Variants in ADARB2 observed in about 807,000 individuals in gnomAD.
The protein encoded by ADARB2 is inactive double-stranded RNA-specific editase B2.
In ADARB2, 25 loss-of-function variants were observed where a neutral mutation model predicts 62.2. The ratio of observed to expected loss-of-function variants is 0.40; its 90% CI spans 0.29 to 0.56. ADARB2 has a LOEUF of 0.56. Ranked by LOEUF, ADARB2 falls within the 20% of genes least tolerant of loss-of-function variation. ADARB2 has a pLI of 0.43. For synonymous variants in ADARB2, 572 were observed against 500.8 expected (o/e 1.14, Z -1.90); for missense variants, 1,071 against 1,077.4 (o/e 0.99, Z 0.08).
intron 3 of ADARB2, among the ~76,000 whole-genome samples, chr10:1,312,108 A>G (rs1831697577): frequency 2.0e-5 from 3 of 152,242 alleles, no homozygotes; most frequent in Non-Finnish European, 4.4e-5. Flanking sequence ...TGGAGGTGAA[A>G]TGGAACAGAA....
intron 1 of ADARB2, among the ~76,000 whole-genome samples, chr10:1,671,234 C>A (rs901303618): frequency 1.3e-5 from 2 of 152,176 alleles, no homozygotes; most frequent in African/African-American, 4.8e-5. Context: ...CGCCCCCACC[C>A]GCCTTGGGCC....
At chr10:1,452,260 C>T (rs997285983) in intron 1 of ADARB2, among the ~76,000 whole-genome samples, 19 of 152,102 alleles carry the variant, frequency 1.2e-4, no homozygotes, top group African/African-American at 4.1e-4. Context: ...GGTCAACTGT[C>T]GCACATGTAA....
chr10:1,446,431 T>C (rs1830970253), intron 1 of ADARB2, among the ~76,000 whole-genome samples: 1 of 152,228 alleles, frequency 6.6e-6, no homozygotes, highest in Non-Finnish European at 1.5e-5. Context: ...TCACAATGAC[T>C]TTATGACACA....
At chr10:1,539,451 T>C (rs1832382127) in intron 1 of ADARB2, among the ~76,000 whole-genome samples, 1 of 152,150 alleles carries the variant, frequency 6.6e-6, no homozygotes, top group Non-Finnish European at 1.5e-5. Flanking sequence ...AAAGGGGACA[T>C]TGGGCCTGTT....
At chr10:1,222,099 G>A (rs1404263686) in intron 6 of ADARB2, among the ~76,000 whole-genome samples, 1 of 152,170 alleles carries the variant, frequency 6.6e-6, no homozygotes, top group Non-Finnish European at 1.5e-5. Flanking sequence ...ACATTTTACT[G>A]ATTGCCATTC....
In ADARB2 at chr10:1,363,774, A is replaced by C; in HGVS notation, c.331T>G (p.Cys111Gly). The change falls in exon 3 of 10, where the codon TGC becomes GGC. Residue 111 changes from cysteine to glycine, a missense_variant. Cys to Gly is a radical substitution (Grantham distance 159). Coordinates refer to ENST00000381312, the MANE Select transcript of ADARB2 (RefSeq NM_018702.4). Reference sequence around the variant, plus strand: ...TTCTTCCAGACCAGCTGCAGTTTGCACAAGTGGCCCCCATTCCCCTCCTCC... The same window carrying C: ...TTCTTCCAGACCAGCTGCAGTTTGCCCAAGTGGCCCCCATTCCCCTCCTCC... ...PLEEGNGGHL[C>G]KLQLVWKKLS... 6.2e-7 allele frequency: 1 copy of C among 1,602,472 alleles called. No individual in the cohort carries two copies. The highest frequency in any genetic ancestry group is 8.5e-7 in the Non-Finnish European group (1 of 1,179,146).
intron 1 of ADARB2, among the ~76,000 whole-genome samples, chr10:1,576,056 C>CT (rs1564335511): frequency 5.7e-4 from 12 of 21,066 alleles, no homozygotes; most frequent in African/African-American, 2.5e-3. Flanking sequence ...GTCAGGGTCA[C>CT]AGGAGGGGGC....
intron 1 of ADARB2, among the ~76,000 whole-genome samples, chr10:1,633,551 TC>T (rs1833870336): frequency 1.6e-4 from 9 of 57,284 alleles, no homozygotes; most frequent in Non-Finnish European, 2.8e-4. Flanking sequence ...CTATCTATCA[TC>T]TATCTATCTA....
chr10:1,432,235 G>A (rs1830783444), intron 1 of ADARB2, among the ~76,000 whole-genome samples: 1 of 152,152 alleles, frequency 6.6e-6, no homozygotes, highest in South Asian at 2.1e-4. Context: ...TTGAATGATA[G>A]AAACATAGCT....
intron 1 of ADARB2, among the ~76,000 whole-genome samples, chr10:1,399,663 T>G (rs147808897): frequency 1.1e-4 from 16 of 152,288 alleles, no homozygotes; most frequent in African/African-American, 3.6e-4. Context: ...CTGAGACGCA[T>G]TCGTAAATGT....
intron 1 of ADARB2, among the ~76,000 whole-genome samples, chr10:1,543,823 C>G (rs75753238): frequency 0.024 from 3,586 of 152,260 alleles, 138 homozygotes; most frequent in African/African-American, 0.081. Context: ...AGCAAAGACT[C>G]ATTAAGTTTA....
chr10:1,472,591 G>A (rs1831339218), intron 1 of ADARB2, among the ~76,000 whole-genome samples: 3 of 152,362 alleles, frequency 2.0e-5, no homozygotes, highest in African/African-American at 7.2e-5. Context: ...ATGCCTTCAA[G>A]AAAGATGGTG....
At chr10:1,233,602 C>T (rs1589160092) in intron 6 of ADARB2, 92 bp downstream of exon 6, 1 of 1,374,636 alleles carries the variant, frequency 7.3e-7, no homozygotes, top group African/African-American at 1.5e-5. Context: ...ACACCGCGCC[C>T]CTGCCCTGGG....
chr10:1,353,109 C>A (rs996151309), intron 3 of ADARB2, among the ~76,000 whole-genome samples: 1 of 152,194 alleles, frequency 6.6e-6, no homozygotes, highest in African/African-American at 2.4e-5. Flanking sequence ...ATTCAGGCCC[C>A]CTCCCTTCCC....
In ADARB2 at chr10:1,347,820, A is replaced by C. The variant is rs192346566; in HGVS notation, c.1077+15208T>G. Among the ~76,000 whole-genome samples, 187 of 152,298 alleles carry C rather than the reference A, an allele frequency of 1.2e-3. 1 individual carries two copies. Among genetic ancestry groups the C allele is most frequent in the Middle Eastern group, 3.4e-3 (1 of 294 alleles). ...GGATTGCTGAGAAGGGAGCTGAAAT[A>C]GGCTCAGGGTAATTGGGAGATGAAT... is the stretch of plus-strand genomic sequence containing the variant. On this transcript the variant is annotated intron_variant, in intron 3 of 9. Coordinates refer to ENST00000381312, the MANE Select transcript of ADARB2 (RefSeq NM_018702.4).
intron 1 of ADARB2, among the ~76,000 whole-genome samples, chr10:1,414,990 G>A (rs1162557122): frequency 6.6e-6 from 1 of 151,304 alleles, no homozygotes; most frequent in Non-Finnish European, 1.5e-5. Flanking sequence ...GATGATAGAA[G>A]GTGGATGGAT....
chr10:1,396,732 TCCTC>T (rs199877122), intron 1 of ADARB2, among the ~76,000 whole-genome samples: 1 of 113,500 alleles, frequency 8.8e-6, no homozygotes, highest in Non-Finnish European at 1.8e-5. Context: ...TGGGTCACCG[TCCTC>T]CTCTCCCCTC....
intron 3 of ADARB2, among the ~76,000 whole-genome samples, chr10:1,271,838 G>A (rs1351733872): frequency 2.0e-5 from 3 of 152,218 alleles, no homozygotes; most frequent in Admixed American, 2.0e-4. Context: ...TTCTTCGGGG[G>A]CAGTTTGGCT....
chr10:1,241,426 G>A (rs927404585), intron 5 of ADARB2, among the ~76,000 whole-genome samples: 9 of 152,212 alleles, frequency 5.9e-5, no homozygotes, highest in Non-Finnish European at 7.3e-5. Context: ...TTTGAGGAAC[G>A]CAGATGGCTT....
Sources: gnomAD v4.1 joint callset for allele counts (sites outside exome capture counted in the v4.1 genomes callset) on GRCh38, gnomAD v4.1.1 for gene constraint, MANE v1.5 for transcripts, NCBI Gene and HGNC (gene_info 2026-07-23, HGNC 2026-07-21) for gene names.